Variants in ZDHHC14 observed in about 807,000 individuals in gnomAD.
The protein encoded by ZDHHC14 is palmitoyltransferase ZDHHC14.
ZDHHC14 carries 16 observed loss-of-function variants against 47.7 expected under a neutral mutation model. The ratio of observed to expected loss-of-function variants is 0.34; its 90% CI spans 0.23 to 0.51. The LOEUF is 0.51. ZDHHC14 is among the 20% of genes least tolerant of loss of function. The probability of loss-of-function intolerance (pLI) is 0.97; values close to 1 mark genes in which losing one functional copy is unlikely to be tolerated. For missense variants in ZDHHC14, 515 were observed against 662.5 expected, an observed-to-expected ratio of 0.78 and a Z score of 2.44; for synonymous variants, 293 against 278.9, an observed-to-expected ratio of 1.05 and a Z score of -0.50.
Position 157,480,263 on chromosome 6 carries a change from T to C in ZDHHC14, c.246-62322T>C, listed in dbSNP as rs553413894. Among the ~76,000 whole-genome samples, 13 of 149,692 alleles carry C rather than the reference T, an allele frequency of 8.7e-5. No homozygotes were observed. In the East Asian group the frequency reaches 2.5e-3, roughly 29 times the overall value. ...TTTTTGTTGTTGTTGTTTTGGGTTT[T>C]TTTTTTTTTGCTTTTTTTTTTTTTT... On this transcript the variant is annotated intron_variant, in intron 1 of 8. Coordinates refer to ENST00000359775, the MANE Select transcript of ZDHHC14 (RefSeq NM_024630.3).
At chr6:157,467,141 A>AT (rs1333437226) in intron 1 of ZDHHC14, among the ~76,000 whole-genome samples, 2 of 152,138 alleles carry the variant, frequency 1.3e-5, no homozygotes, top group Non-Finnish European at 1.5e-5. Flanking sequence ...GCATTGCAAG[A>AT]TTTTTTTACA....
In ZDHHC14 at chr6:157,463,225, T is replaced by C. The variant is rs1480162677; in HGVS notation, c.246-79360T>C. ...AGAAAATAGAAATGTCACAGCCTGT[T>C]GTTTCTGTTGTCTCTTCGGTGTTTG... On this transcript the variant is annotated intron_variant, in intron 1 of 8. Coordinates refer to ENST00000359775, the MANE Select transcript of ZDHHC14 (RefSeq NM_024630.3). The surrounding 1 kb of genome is among the most constrained non-coding windows in gnomAD (Gnocchi z 4.4). 6.6e-6 allele frequency among the ~76,000 whole-genome samples: 1 copy of C among 152,198 alleles called. No homozygotes were observed. The highest frequency in any genetic ancestry group is 1.5e-5 in the Non-Finnish European group (1 of 68,018).
At chr6:157,397,707 T>G (rs1459267414) in intron 1 of ZDHHC14, among the ~76,000 whole-genome samples, 1 of 152,194 alleles carries the variant, frequency 6.6e-6, no homozygotes, top group Admixed American at 6.5e-5. Context: ...TGGATGTTTT[T>G]GGGGGAACGT....
intron 1 of ZDHHC14, among the ~76,000 whole-genome samples, chr6:157,523,962 A>G (rs1562461558): frequency 6.6e-6 from 1 of 151,936 alleles, no homozygotes. Flanking sequence ...GTATGAAAAT[A>G]TTTCTTAGGA....
intron 2 of ZDHHC14, among the ~76,000 whole-genome samples, chr6:157,577,035 C>A (rs1266656437): frequency 6.6e-6 from 1 of 152,118 alleles, no homozygotes; most frequent in Non-Finnish European, 1.5e-5. Context: ...CTCAAGTAGG[C>A]CCCAGTGTGT....
At chr6:157,515,972 G>A (rs1780678886) in intron 1 of ZDHHC14, among the ~76,000 whole-genome samples, 1 of 152,136 alleles carries the variant, frequency 6.6e-6, no homozygotes, top group Non-Finnish European at 1.5e-5. Context: ...TAGCAAGCAG[G>A]CAAGGCGTGA....
intron 1 of ZDHHC14, among the ~76,000 whole-genome samples, chr6:157,458,038 GC>G (rs1212826678): frequency 6.6e-6 from 1 of 152,188 alleles, no homozygotes; most frequent in Non-Finnish European, 1.5e-5. Flanking sequence ...CAGACTACCT[GC>G]CCCCCACTTT....
At chr6:157,609,160 TC>T (rs1784660719) in intron 3 of ZDHHC14, among the ~76,000 whole-genome samples, 1 of 152,160 alleles carries the variant, frequency 6.6e-6, no homozygotes, top group Non-Finnish European at 1.5e-5. Flanking sequence ...GGGTTCTTGG[TC>T]CAGAAGTTGA....
At chr6:157,528,782 A>G (rs964781880) in intron 1 of ZDHHC14, among the ~76,000 whole-genome samples, 1 of 148,296 alleles carries the variant, frequency 6.7e-6, no homozygotes, top group Non-Finnish European at 1.5e-5. Context: ...CAATTAGATG[A>G]AGACTGGGGG....
At chr6:157,490,577 T>C (rs964159958) in intron 1 of ZDHHC14, among the ~76,000 whole-genome samples, 4 of 152,242 alleles carry the variant, frequency 2.6e-5, no homozygotes, top group African/African-American at 9.6e-5. Context: ...GAATTGTGTA[T>C]GAGATGCTGA....
At chr6:157,409,274 C>T (rs897636639) in intron 1 of ZDHHC14, among the ~76,000 whole-genome samples, 1 of 152,170 alleles carries the variant, frequency 6.6e-6, no homozygotes, top group Admixed American at 6.5e-5. Flanking sequence ...ACCGGGGGTG[C>T]GGACCTCTGA....
At chr6:157,418,523 G>C (rs1030282473) in intron 1 of ZDHHC14, among the ~76,000 whole-genome samples, 2 of 152,164 alleles carry the variant, frequency 1.3e-5, no homozygotes, top group African/African-American at 4.8e-5. Context: ...CTTTATCTAG[G>C]AAGGATGTCC....
chr6:157,584,050 G>T (rs970998390), intron 2 of ZDHHC14, among the ~76,000 whole-genome samples: 3 of 152,180 alleles, frequency 2.0e-5, no homozygotes, highest in Non-Finnish European at 4.4e-5. Context: ...TGGCAGTATG[G>T]TTGAAGCACT....
At chr6:157,627,747 C>T (rs1278417949) in intron 3 of ZDHHC14, among the ~76,000 whole-genome samples, 1 of 152,208 alleles carries the variant, frequency 6.6e-6, no homozygotes, top group African/African-American at 2.4e-5. Context: ...TCTCTGTAAG[C>T]CTCAGTTTGC....
rs763563330 is a variant in ZDHHC14, at chr6:157,672,770, C to T, written c.1115C>T (p.Ala372Val). Residue 372 changes from alanine to valine, a missense_variant, in exon 9 of 9, where the codon GCT becomes GTT. Coordinates refer to ENST00000359775, the MANE Select transcript of ZDHHC14 (RefSeq NM_024630.3). ...CIQSTKFVLQAAATPLLQSEP... is the reference protein window; with the variant it reads ...CIQSTKFVLQVAATPLLQSEP... ...CAGAGCACCAAATTCGTTTTGCAGG[C>T]TGCAGCCACGCCCCTGCTGCAGAGC... 2 of 1,612,844 alleles carry T rather than the reference C, an allele frequency of 1.2e-6. No homozygotes were observed. The highest frequency in any genetic ancestry group is 1.1e-5 in the South Asian group (1 of 91,048).
chr6:157,547,126 T>G (rs1487627814), intron 2 of ZDHHC14, among the ~76,000 whole-genome samples: 1 of 152,234 alleles, frequency 6.6e-6, no homozygotes, highest in Non-Finnish European at 1.5e-5. Context: ...TACATGTTGC[T>G]GACGAGGTAG....
rs1435804684 is a variant in ZDHHC14 at position 157,653,641 on chromosome 6, CCA to C, written c.1068+16_1068+17del. ...CAGAGTGACATGGTAGGAGTGGGGG[CCA>C]CTGCTCCCTGCGAGGGCTTCCCTTT... On this transcript the variant is annotated intron_variant, in intron 8 of 8. Transcript: ENST00000359775. 1.9e-6 allele frequency: 3 copies of C among 1,610,116 alleles called. No individual in the cohort carries two copies. The highest frequency in any genetic ancestry group is 2.5e-6 in the Non-Finnish European group (3 of 1,178,008).
intron 1 of ZDHHC14, among the ~76,000 whole-genome samples, chr6:157,421,693 C>T (rs184853313): frequency 5.9e-5 from 9 of 151,882 alleles, no homozygotes; most frequent in South Asian, 2.1e-4. Context: ...CAGCAACCTC[C>T]GCCTCCTGCG....
At chr6:157,632,687 C>T (rs1785797215) in intron 4 of ZDHHC14, 147 bp from the exon 5 acceptor site, 1 of 796,858 alleles carries the variant, frequency 1.3e-6, no homozygotes, top group African/African-American at 1.7e-5. Flanking sequence ...ATCTCAATCT[C>T]TGATCGGTAA....
Sources: allele counts gnomAD v4.1 joint callset (sites outside exome capture counted in the v4.1 genomes callset), GRCh38; gene constraint gnomAD v4.1.1; non-coding constraint Gnocchi (gnomAD v3.1); transcripts MANE v1.5; gene names NCBI Gene and HGNC (gene_info 2026-07-23, HGNC 2026-07-21).